PCCB: variants seen among roughly 807,000 people sequenced by gnomAD.
PCCB encodes the protein propionyl-CoA carboxylase beta chain, mitochondrial.
A neutral mutation model predicts 60.7 loss-of-function variants in PCCB; 43 were observed. The ratio of observed to expected loss-of-function variants is 0.71; its 90% CI spans 0.55 to 0.91. The LOEUF is 0.91. Among genes scored for constraint, PCCB ranks in the 40% least tolerant of loss-of-function variants. The probability of loss-of-function intolerance (pLI) is 0.00; values close to 1 mark genes in which losing one functional copy is unlikely to be tolerated. For synonymous variants in PCCB, 276 were observed against 255.9 expected (o/e 1.08, Z -0.75); for missense variants, 766 against 702.8 (o/e 1.09, Z -1.02).
chr3:136,295,303 T>G (rs2108199380), intron 7 of PCCB, among the ~76,000 whole-genome samples: 1 of 152,342 alleles, frequency 6.6e-6, no homozygotes, highest in Non-Finnish European at 1.5e-5. Flanking sequence ...AAAGTAGAGA[T>G]GTGTCTTATC....
rs115425196 is a variant in PCCB, at chr3:136,262,470, G to A, written c.543+405G>A. 3.9e-3 allele frequency among the ~76,000 whole-genome samples: 595 copies of A among 152,228 alleles called. 2 individuals are homozygous for A. Among genetic ancestry groups the A allele is most frequent in the Middle Eastern group, 0.031 (9 of 294 alleles). ...AAACACTACAGGATTATTAAATAAA[G>A]TCCAAGCCACAGTGCAAAGAAGAAT... is the stretch of plus-strand genomic sequence containing the variant. On this transcript the variant is annotated intron_variant, in intron 5 of 14. Coordinates refer to ENST00000251654, the MANE Select transcript of PCCB (RefSeq NM_000532.5).
Position 136,295,001 on chromosome 3 carries a change from T to C in PCCB, c.763+1137T>C, listed in dbSNP as rs1478803804. On this transcript the variant is annotated intron_variant, in intron 7 of 14. Coordinates refer to ENST00000251654, the MANE Select transcript of PCCB (RefSeq NM_000532.5). ...GCCTCAGCACTGAAACAAAAAGTTCTTGTTTAAACAGAAAGGCATGGAATT... is the reference window on the plus strand; with the variant it reads ...GCCTCAGCACTGAAACAAAAAGTTCCTGTTTAAACAGAAAGGCATGGAATT... Among the ~76,000 whole-genome samples, 3 of 152,256 alleles carry C rather than the reference T, an allele frequency of 2.0e-5. No homozygotes were observed. The East Asian group carries it at 5.8e-4, about 29-fold the overall frequency.
rs1193220693 is a variant in PCCB at position 136,328,727 on chromosome 3, C to T, written c.1399-31C>T. The stretch of plus-strand genomic sequence containing the variant: ...GGAGATCTGTCCAGGTTGGGACGAC[C>T]AAAGATGTTCATGAACTCCTCTAAT... On this transcript the variant is annotated intron_variant, in intron 13 of 14. Transcript: ENST00000251654. The T allele has an allele frequency of 1.9e-6, 3 of 1,570,252 alleles. No homozygotes were observed. In the African/African-American group the frequency reaches 4.1e-5, roughly 21 times the overall value.
rs121964961 is a variant in PCCB, at chr3:136,327,638, A to G, written c.1304A>G (p.Tyr435Cys). Residue 435 changes from tyrosine to cysteine, a missense_variant, in exon 13 of 15, where the codon TAT becomes TGT. Physicochemically the swap from Tyr to Cys is radical, Grantham distance 194. Coordinates refer to ENST00000251654, the MANE Select transcript of PCCB (RefSeq NM_000532.5). ...PKVTVITRKAYGGAYDVMSSK... is the reference protein window; with the variant it reads ...PKVTVITRKACGGAYDVMSSK... ...CAGCATTTGGATCTGTTTTAGGCCT[A>G]TGGAGGTGCCTATGATGTCATGAGC... is the stretch of plus-strand genomic sequence containing the variant. 8.5e-5 allele frequency: 137 copies of G among 1,612,342 alleles called. No homozygotes were observed. The East Asian group carries it at 2.6e-3, about 31-fold the overall frequency.
intron 11 of PCCB, 65 bp downstream of exon 11, chr3:136,326,975 G>T: frequency 8.3e-7 from 1 of 1,207,764 alleles, no homozygotes; most frequent in Non-Finnish European, 1.2e-6. Context: ...CACTTTATTT[G>T]GAGATCTTCT....
At chr3:136,309,809 A>G (rs897608276) in intron 9 of PCCB, among the ~76,000 whole-genome samples, 1 of 152,136 alleles carries the variant, frequency 6.6e-6, no homozygotes, top group Non-Finnish European at 1.5e-5. Flanking sequence ...CTCAAAAAAA[A>G]AAAAAATTCT....
At chr3:136,325,177 A>T (rs1161018847) in intron 10 of PCCB, among the ~76,000 whole-genome samples, 1 of 152,008 alleles carries the variant, frequency 6.6e-6, no homozygotes, top group Admixed American at 6.5e-5. Flanking sequence ...GGTGTGAGCC[A>T]CCACATCTGG....
At chr3:136,306,899 C>T (rs909149171) in intron 9 of PCCB, among the ~76,000 whole-genome samples, 9 of 122,294 alleles carry the variant, frequency 7.4e-5, no homozygotes, top group African/African-American at 1.5e-4. Flanking sequence ...ACACTGAGCA[C>T]GTGGGAAAAT....
At chr3:136,277,383 C>T (rs1342740440) in intron 5 of PCCB, among the ~76,000 whole-genome samples, 3 of 152,112 alleles carry the variant, frequency 2.0e-5, no homozygotes, top group South Asian at 2.1e-4. Context: ...TACAAAAGGG[C>T]ACCAGCTGCA....
intron 9 of PCCB, among the ~76,000 whole-genome samples, chr3:136,301,760 T>G (rs1184929548): frequency 1.3e-5 from 2 of 152,100 alleles, no homozygotes; most frequent in Non-Finnish European, 2.9e-5. Flanking sequence ...GGTTTGCTGT[T>G]TTCTGTTATT....
chr3:136,316,968 A>G lies in PCCB; in HGVS notation c.994A>G (p.Ile332Val). Reference sequence around the variant, plus strand: ...TGTTGATGAGCGTGAATTTTTTGAGATCATGCCCAATTATGCCAAGAACAT... The same window carrying G: ...TGTTGATGAGCGTGAATTTTTTGAGGTCATGCCCAATTATGCCAAGAACAT... Reference protein sequence around the residue: ...SVVDEREFFEIMPNYAKNIIV... With the variant: ...SVVDEREFFEVMPNYAKNIIV... Residue 332 changes from isoleucine (I) to valine (V), a missense_variant, in exon 10 of 15, where the codon ATC becomes GTC. Coordinates refer to ENST00000251654, the MANE Select transcript of PCCB (RefSeq NM_000532.5). 2 of 1,614,088 alleles carry G rather than the reference A, an allele frequency of 1.2e-6. No individual in the cohort carries two copies. The highest frequency in any genetic ancestry group is 1.1e-5 in the South Asian group (1 of 91,082).
At position 136,256,534 on chromosome 3, in the gene PCCB, AT is replaced by A. The variant is rs555567135; in HGVS notation, c.304-16del. ...GAAGTATTTGGATTTTTTAACCTTTATTTTTGCATTTTTCTGGTAGTTTCCT... is the reference window on the plus strand; with the variant it reads ...GAAGTATTTGGATTTTTTAACCTTTATTTTGCATTTTTCTGGTAGTTTCCT... On this transcript the variant is annotated intron_variant, in intron 2 of 14. Transcript: ENST00000251654. The A allele has an allele frequency of 1.3e-6, 2 of 1,591,136 alleles. No homozygotes were observed. Among genetic ancestry groups the A allele is most frequent in the Non-Finnish European group, 1.7e-6 (2 of 1,159,300 alleles).
intron 9 of PCCB, among the ~76,000 whole-genome samples, chr3:136,303,034 T>A (rs946652728): frequency 8.1e-6 from 1 of 122,738 alleles, no homozygotes; most frequent in Non-Finnish European, 1.8e-5. Flanking sequence ...TTCTGAGTTA[T>A]GATCATTGCC....
intron 5 of PCCB, among the ~76,000 whole-genome samples, chr3:136,277,597 C>G (rs1271367096): frequency 1.3e-5 from 2 of 151,822 alleles, no homozygotes; most frequent in Non-Finnish European, 2.9e-5. Flanking sequence ...GCCGTGGCTC[C>G]TATGAGGGTT....
chr3:136,284,949 G>A (rs979090248), intron 6 of PCCB, among the ~76,000 whole-genome samples: 2 of 151,846 alleles, frequency 1.3e-5, no homozygotes, highest in Admixed American at 6.6e-5. Context: ...TTAGCTGGGC[G>A]TGGTGGTGCA....
chr3:136,292,000 C>CTGG (rs1933716157), intron 6 of PCCB, among the ~76,000 whole-genome samples: 1 of 152,180 alleles, frequency 6.6e-6, no homozygotes, highest in South Asian at 2.1e-4. Flanking sequence ...AGCCCTGGCT[C>CTGG]TGGAGGAGAT....
chr3:136,314,923 A>G (rs571160431), intron 9 of PCCB, among the ~76,000 whole-genome samples: 2 of 152,336 alleles, frequency 1.3e-5, no homozygotes, highest in African/African-American at 4.8e-5. Context: ...TTAATGGACA[A>G]ATCAACACAT....
chr3:136,325,590 TC>T (rs1294048911), intron 10 of PCCB, among the ~76,000 whole-genome samples: 2 of 151,898 alleles, frequency 1.3e-5, no homozygotes, highest in Non-Finnish European at 2.9e-5. Flanking sequence ...ACTCCTGACC[TC>T]AAGTGGTCTG....
intron 2 of PCCB, 129 bp downstream of exon 2, chr3:136,256,104 A>G: frequency 7.2e-7 from 1 of 1,386,646 alleles, no homozygotes; most frequent in Non-Finnish European, 1.0e-6. Context: ...CATCAAGCCC[A>G]GATAATTTTT....
Sources: gnomAD v4.1 joint callset for allele counts (sites outside exome capture counted in the v4.1 genomes callset) on GRCh38, gnomAD v4.1.1 for gene constraint, MANE v1.5 for transcripts, NCBI Gene and HGNC (gene_info 2026-07-23, HGNC 2026-07-21) for gene names.